FSD1L: variants seen among roughly 807,000 people sequenced by gnomAD.
FSD1L encodes the protein FSD1-like protein.
FSD1L carries 45 observed loss-of-function variants against 71.6 expected under a neutral mutation model. The ratio of observed to expected loss-of-function variants is 0.63; its 90% CI spans 0.49 to 0.81. The LOEUF is 0.81. Ranked by LOEUF, FSD1L falls within the 30% of genes least tolerant of loss-of-function variation. The pLI is 0.00. For synonymous variants in FSD1L, 197 were observed against 207.2 expected (o/e 0.95, Z 0.42); for missense variants, 561 against 618.1 (o/e 0.91, Z 0.98).
intron 10 of FSD1L, among the ~76,000 whole-genome samples, chr9:105,533,375 A>G (rs1836023384): frequency 7.8e-6 from 1 of 129,024 alleles, no homozygotes; most frequent in Non-Finnish European, 1.6e-5. Context: ...ATAATACTTG[A>G]TATTATCCTG....
Position 105,534,984 on chromosome 9 carries a change from C to T in FSD1L, c.1127-83C>T, listed in dbSNP as rs949238194. On this transcript the variant is annotated intron_variant, in intron 11 of 13. Transcript: ENST00000481272. ...AGTACTTGAATAAAAATTTTTGTGTCTTTTTTTGGGACGAGTGGTAGGTAA... is the reference window on the plus strand; with the variant it reads ...AGTACTTGAATAAAAATTTTTGTGTTTTTTTTTGGGACGAGTGGTAGGTAA... 2.8e-6 allele frequency: 4 copies of T among 1,405,998 alleles called. No homozygotes were observed. In the African/African-American group the frequency reaches 4.3e-5, roughly 15 times the overall value. The allele number at this position is 1,405,998 out of a possible 1,614,324, so 87.1% of individuals were successfully genotyped here.
chr9:105,529,748 C>T lies in FSD1L; in HGVS notation c.1026-4745C>T, dbSNP rs113160800. 9.2e-3 allele frequency among the ~76,000 whole-genome samples: 1,396 copies of T among 151,522 alleles called. 22 individuals are homozygous for T. Among genetic ancestry groups the T allele is most frequent in the African/African-American group, 0.032 (1,337 of 41,246 alleles). On this transcript the variant is annotated intron_variant, in intron 10 of 13. Coordinates refer to ENST00000481272, the MANE Select transcript of FSD1L (RefSeq NM_001145313.3). ...CAAAACTGCACATTCTGCACATGTA[C>T]CCCAGAACTTTAAGTATAATAATAT...
At chr9:105,532,234 G>A (rs1276867352) in intron 10 of FSD1L, among the ~76,000 whole-genome samples, 2 of 152,160 alleles carry the variant, frequency 1.3e-5, no homozygotes, top group African/African-American at 4.8e-5. Flanking sequence ...CTGAGCTTAA[G>A]ATAAAGCTTT....
chr9:105,522,998 C>G (rs111483469), intron 10 of FSD1L: 44 of 1,613,942 alleles, frequency 2.7e-5, no homozygotes, highest in Non-Finnish European at 3.6e-5. Context: ...ATTCTTTCAG[C>G]GCTTTCCAAT....
chr9:105,453,424 TG>T (rs1830172086), intron 1 of FSD1L, among the ~76,000 whole-genome samples: 2 of 152,124 alleles, frequency 1.3e-5, no homozygotes, highest in African/African-American at 2.4e-5. Flanking sequence ...TGACCTCAGA[TG>T]ATCCTCCCAA....
intron 5 of FSD1L, among the ~76,000 whole-genome samples, chr9:105,477,061 C>T (rs928552113): frequency 2.8e-4 from 43 of 152,164 alleles, no homozygotes; most frequent in African/African-American, 1.0e-3. Context: ...TCACAAACAG[C>T]ATGGTACATG....
chr9:105,536,097 G>A (rs1487097760), intron 12 of FSD1L, among the ~76,000 whole-genome samples: 1 of 152,208 alleles, frequency 6.6e-6, no homozygotes, highest in African/African-American at 2.4e-5. Context: ...ACAGTTCTTA[G>A]TACACTATCT....
At chr9:105,503,278 GGAATCAA>G (rs1293114172) in intron 7 of FSD1L, among the ~76,000 whole-genome samples, 6 of 151,992 alleles carry the variant, frequency 3.9e-5, no homozygotes, top group African/African-American at 1.4e-4. Context: ...TCTATAAGAT[GGAATCAA>G]ATTAACTTAT....
rs1464460733 is a variant in FSD1L at position 105,547,101 on chromosome 9, A to G, written c.*618A>G. On this transcript the variant is annotated 3_prime_UTR_variant, in exon 14 of 14. Coordinates refer to ENST00000481272, the MANE Select transcript of FSD1L (RefSeq NM_001145313.3). ...ATATTGTGATAAGAAATTTCTAGACACAACAGCTTAAAATCACCCAAATTT... is the reference window on the plus strand; with the variant it reads ...ATATTGTGATAAGAAATTTCTAGACGCAACAGCTTAAAATCACCCAAATTT... 1.3e-5 allele frequency: 2 copies of G among 152,322 alleles called. No homozygotes were observed. The highest frequency in any genetic ancestry group is 2.4e-5 in the African/African-American group (1 of 41,448). The allele number at this position is 152,322 out of a possible 1,614,324, so 9.4% of individuals were successfully genotyped here. A position where few individuals can be genotyped will look rare whatever the true frequency, so the allele number is the denominator to read the frequency against.
At chr9:105,498,097 A>G (rs905572111) in intron 7 of FSD1L, among the ~76,000 whole-genome samples, 1 of 151,918 alleles carries the variant, frequency 6.6e-6, no homozygotes, top group Non-Finnish European at 1.5e-5. Context: ...TTCCCACCTC[A>G]GCCTTCTAAA....
Position 105,552,016 on chromosome 9 carries a change from G to T in FSD1L, c.*5533G>T, listed in dbSNP as rs1589130611. 6.6e-6 allele frequency: 1 copy of T among 152,128 alleles called. No individual in the cohort carries two copies. Among genetic ancestry groups the T allele is most frequent in the Non-Finnish European group, 1.5e-5 (1 of 68,020 alleles). The allele number at this position is 152,128 out of a possible 1,614,324, so 9.4% of individuals were successfully genotyped here. A position where few individuals can be genotyped will look rare whatever the true frequency, so the allele number is the denominator to read the frequency against. On this transcript the variant is annotated 3_prime_UTR_variant, in exon 14 of 14. Transcript: ENST00000481272. ...AGCATTTCAAAATCTTGTTAACCTG[G>T]TTATCTCTTGGTATCTCTCCTGACA...
At chr9:105,458,791 G>A (rs1830510671) in intron 1 of FSD1L, among the ~76,000 whole-genome samples, 1 of 152,192 alleles carries the variant, frequency 6.6e-6, no homozygotes, top group South Asian at 2.1e-4. Flanking sequence ...ATCTGCCTAG[G>A]ACTACGTCTG....
chr9:105,517,721 G>T (rs1564132622), intron 10 of FSD1L, among the ~76,000 whole-genome samples: 4 of 152,194 alleles, frequency 2.6e-5, no homozygotes, highest in Admixed American at 6.5e-5. Context: ...AAATTGTAAA[G>T]ACTATCGACA....
chr9:105,462,100 T>C (rs1412730896), intron 2 of FSD1L, among the ~76,000 whole-genome samples: 1 of 152,136 alleles, frequency 6.6e-6, no homozygotes, highest in East Asian at 1.9e-4. Context: ...CAAAAAAATA[T>C]GTAAATGGGA....
chr9:105,484,428 G>A lies in FSD1L; in HGVS notation c.512G>A (p.Ser171Asn). 6.5e-7 allele frequency: 1 copy of A among 1,528,408 alleles called. No individual in the cohort carries two copies. Among genetic ancestry groups the A allele is most frequent in the Non-Finnish European group, 8.8e-7 (1 of 1,138,060 alleles). 94.7% of individuals were successfully genotyped at this position (1,528,408 alleles called of 1,614,324 possible). ...AFRLSLKPKV[S>N]DNMTHLMVDF... ...CGCCTTTCTTTGAAACCAAAGGTCA[G>A]TGACAACATGACTCATTTAATGGTG... The change falls in exon 7 of 14, where the codon AGT becomes AAT. Residue 171 changes from serine (S) to asparagine (N), a missense_variant. Around this residue, in one of 3 missense-constraint regions of FSD1L, gnomAD observed 410 missense variants for 413.5 expected, o/e 0.99. Coordinates refer to ENST00000481272, the MANE Select transcript of FSD1L (RefSeq NM_001145313.3).
At chr9:105,520,766 T>C (rs1835095194) in intron 10 of FSD1L, 4 of 1,612,728 alleles carry the variant, frequency 2.5e-6, no homozygotes, top group South Asian at 2.2e-5. Context: ...GAACTTTAGA[T>C]AATCTCATTA....
chr9:105,457,780 C>T (rs150220627), intron 1 of FSD1L, among the ~76,000 whole-genome samples: 16 of 152,274 alleles, frequency 1.1e-4, no homozygotes, highest in Admixed American at 2.6e-4. Context: ...TGTGAGCGAG[C>T]GAGTGAGTTT....
upstream of FSD1L, among the ~76,000 whole-genome samples, chr9:105,446,649 T>C (rs1041595593): frequency 7.2e-5 from 11 of 151,850 alleles, no homozygotes; most frequent in Non-Finnish European, 1.6e-4. Flanking sequence ...GGATTACAGG[T>C]GTGAGCCACC....
intron 10 of FSD1L, chr9:105,524,737 C>T (rs1462534915): frequency 6.2e-7 from 1 of 1,613,276 alleles, no homozygotes; most frequent in African/African-American, 1.3e-5. Flanking sequence ...GAAGTGAAAA[C>T]TCAAATGCAG....
Sources: allele counts gnomAD v4.1 joint callset (sites outside exome capture counted in the v4.1 genomes callset), GRCh38; gene constraint gnomAD v4.1.1; regional missense constraint gnomAD v4.1.1; transcripts MANE v1.5; gene names NCBI Gene and HGNC (gene_info 2026-07-23, HGNC 2026-07-21).